The following CNTNAP2 variants were observed in gnomAD, a reference collection of about 807,000 sequenced individuals.
CNTNAP2 encodes contactin-associated protein-like 2.
In CNTNAP2, 98 loss-of-function variants were observed where a neutral mutation model predicts 155.2. That is an observed-to-expected ratio of 0.63 (90% confidence interval 0.54 to 0.75). The LOEUF is 0.75. CNTNAP2 is among the 30% of genes least tolerant of loss of function. The pLI is 0.00. For synonymous variants in CNTNAP2, 651 were observed against 631.2 expected (o/e 1.03, Z -0.47); for missense variants, 1,727 against 1,688.1 (o/e 1.02, Z -0.40).
At chr7:146,950,496 C>A (rs1797287222) in intron 3 of CNTNAP2, among the ~76,000 whole-genome samples, 1 of 151,988 alleles carries the variant, frequency 6.6e-6, no homozygotes, top group South Asian at 2.1e-4. Context: ...TCTCTGTGTC[C>A]GTGTGTTCTC....
At chr7:148,277,801 A>AT (rs1796900814) in intron 21 of CNTNAP2, among the ~76,000 whole-genome samples, 1 of 146,744 alleles carries the variant, frequency 6.8e-6, no homozygotes, top group Non-Finnish European at 1.5e-5. Context: ...AAAGAAAAAA[A>AT]GAAAAAAAGC....
intron 23 of CNTNAP2, among the ~76,000 whole-genome samples, chr7:148,413,442 A>ATATATATG (rs1563079542): frequency 2.8e-5 from 3 of 106,454 alleles, no homozygotes; most frequent in African/African-American, 1.2e-4. Flanking sequence ...ATATATATAT[A>ATATATATG]TATATTGCTC....
chr7:146,934,205 T>G (rs1053518155), intron 3 of CNTNAP2, among the ~76,000 whole-genome samples: 1 of 151,694 alleles, frequency 6.6e-6, no homozygotes, highest in Non-Finnish European at 1.5e-5. Flanking sequence ...TGTCCAACAA[T>G]GATAGACTGG....
intron 1 of CNTNAP2, among the ~76,000 whole-genome samples, chr7:146,662,049 A>G (rs969630290): frequency 1.3e-5 from 2 of 151,990 alleles, no homozygotes; most frequent in African/African-American, 2.4e-5. Context: ...CTCATGGTCA[A>G]TGATGCCGAA....
chr7:146,481,746 T>G (rs1159638247), intron 1 of CNTNAP2, among the ~76,000 whole-genome samples: 1 of 152,184 alleles, frequency 6.6e-6, no homozygotes, highest in Admixed American at 6.5e-5. Flanking sequence ...CATTTTAGCC[T>G]GGAATTACAC....
intron 3 of CNTNAP2, among the ~76,000 whole-genome samples, chr7:146,911,879 G>A (rs1585153442): frequency 6.6e-6 from 1 of 151,966 alleles, no homozygotes; most frequent in East Asian, 1.9e-4. Flanking sequence ...ATAATACATG[G>A]TAATTTTCAA....
At chr7:147,537,197 G>C (rs189426220) in intron 11 of CNTNAP2, among the ~76,000 whole-genome samples, 4 of 152,208 alleles carry the variant, frequency 2.6e-5, no homozygotes, top group Admixed American at 2.6e-4. Context: ...CTTTCTAATA[G>C]GTAGTCTCAG....
At chr7:146,151,664 A>ATG (rs1483532161) in intron 1 of CNTNAP2, among the ~76,000 whole-genome samples, 13 of 48,224 alleles carry the variant, frequency 2.7e-4, no homozygotes, top group African/African-American at 7.7e-4. Context: ...ATATATATAT[A>ATG]TATATATATA....
intron 1 of CNTNAP2, among the ~76,000 whole-genome samples, chr7:146,301,874 C>G (rs1440194406): frequency 1.3e-5 from 2 of 152,128 alleles, no homozygotes; most frequent in Admixed American, 6.6e-5. Context: ...TGGTAAACCT[C>G]TTGTCAACTA....
At chr7:146,975,458 C>CT (rs1240850475) in intron 3 of CNTNAP2, among the ~76,000 whole-genome samples, 2 of 139,918 alleles carry the variant, frequency 1.4e-5, no homozygotes, top group Non-Finnish European at 3.2e-5. Flanking sequence ...GAGTGAGACT[C>CT]TGTCTAAGAA....
At chr7:147,479,548 T>C (rs768648297) in intron 10 of CNTNAP2, among the ~76,000 whole-genome samples, 54 of 152,304 alleles carry the variant, frequency 3.5e-4, no homozygotes, top group Admixed American at 2.8e-3. Flanking sequence ...TCAAAAGACA[T>C]TTTATTTACA....
chr7:146,661,662 AGTT>A (rs777929402), intron 1 of CNTNAP2, among the ~76,000 whole-genome samples: 5 of 151,426 alleles, frequency 3.3e-5, no homozygotes, highest in Admixed American at 6.6e-5. Flanking sequence ...TATGTGCCAG[AGTT>A]GTTTGCTTAT....
chr7:147,664,210 G>A (rs1276625594), intron 13 of CNTNAP2, among the ~76,000 whole-genome samples: 3 of 152,206 alleles, frequency 2.0e-5, no homozygotes, highest in African/African-American at 4.8e-5. Context: ...GTATTAAAAA[G>A]TGATAGAACG....
intron 16 of CNTNAP2, among the ~76,000 whole-genome samples, chr7:148,126,774 G>A (rs769589638): frequency 2.6e-5 from 4 of 152,102 alleles, no homozygotes; most frequent in Admixed American, 1.3e-4. Flanking sequence ...ACAGGTGGAC[G>A]CGAAGCCGTT....
intron 3 of CNTNAP2, among the ~76,000 whole-genome samples, chr7:146,916,228 T>G (rs1344491776): frequency 1.3e-5 from 2 of 152,174 alleles, no homozygotes; most frequent in Non-Finnish European, 2.9e-5. Flanking sequence ...GCTAGTATTT[T>G]ATCGAGAATT....
Position 146,850,952 on chromosome 7 carries a change from G to A in CNTNAP2, c.402+11048G>A, listed in dbSNP as rs571570478. ...CTCTGCATTTAAACTGTAATATAGC[G>A]CTTGTATATAAGATGTTGGTATTTT... On this transcript the variant is annotated intron_variant, in intron 3 of 23. Transcript: ENST00000361727. Among the ~76,000 whole-genome samples the A allele has an allele frequency of 1.6e-4, 25 of 151,938 alleles. No individual in the cohort carries two copies. In the South Asian group the frequency reaches 2.1e-3, roughly 13 times the overall value.
intron 1 of CNTNAP2, among the ~76,000 whole-genome samples, chr7:146,373,189 C>T (rs1795260304): frequency 6.6e-6 from 1 of 152,126 alleles, no homozygotes; most frequent in South Asian, 2.1e-4. Flanking sequence ...TGGGGATCTT[C>T]CACAAACATC....
At chr7:148,335,793 A>G (rs1798105687) in intron 21 of CNTNAP2, among the ~76,000 whole-genome samples, 1 of 152,156 alleles carries the variant, frequency 6.6e-6, no homozygotes, top group African/African-American at 2.4e-5. Context: ...ATTTTTATTT[A>G]CTTAACATTG....
intron 11 of CNTNAP2, among the ~76,000 whole-genome samples, chr7:147,537,440 C>T (rs114881517): frequency 0.01 from 1,589 of 152,164 alleles, 32 homozygotes; most frequent in African/African-American, 0.036. Context: ...TTTAATGTGA[C>T]ATGTAATATT....
Sources: allele counts gnomAD v4.1 joint callset (sites outside exome capture counted in the v4.1 genomes callset), GRCh38; gene constraint gnomAD v4.1.1; transcripts MANE v1.5; gene names NCBI Gene and HGNC (gene_info 2026-07-23, HGNC 2026-07-21).